The following FAM20C variants were observed in gnomAD, a reference collection of about 807,000 sequenced individuals.
FAM20C encodes FAM20C golgi associated secretory pathway kinase, also known as extracellular serine/threonine protein kinase FAM20C.
In FAM20C, 40 loss-of-function variants were observed where a neutral mutation model predicts 51.5. The observed-to-expected ratio is 0.78, with a 90% CI of 0.60 to 1.01. The LOEUF (loss-of-function observed/expected upper bound fraction) is 1.01. Ranked by LOEUF, FAM20C falls within the 50% of genes least tolerant of loss-of-function variation. The pLI, the probability that FAM20C is intolerant of heterozygous loss-of-function variation, is 0.00. For missense variants in FAM20C, 861 were observed against 844.7 expected (o/e 1.02, Z -0.24); for synonymous variants, 406 against 380.6 (o/e 1.07, Z -0.78).
At chr7:222,899 CGTGTGTAAG>C (rs1435552275) in intron 3 of FAM20C, among the ~76,000 whole-genome samples, 7 of 150,886 alleles carry the variant, frequency 4.6e-5, no homozygotes, top group Admixed American at 2.0e-4. Context: ...ACATGTGTAA[CGTGTGTAAG>C]GGTGTGCATG....
intron 2 of FAM20C, among the ~76,000 whole-genome samples, chr7:198,200 G>T (rs1297510285): frequency 6.6e-6 from 1 of 152,222 alleles, no homozygotes; most frequent in Non-Finnish European, 1.5e-5. Flanking sequence ...AGCAGGGCCT[G>T]CAAGGACGAT....
chr7:199,647 G>A (rs1017975312), intron 2 of FAM20C, among the ~76,000 whole-genome samples: 4 of 152,162 alleles, frequency 2.6e-5, no homozygotes, highest in African/African-American at 7.2e-5. Context: ...TTCATGGAGC[G>A]CCACGTGGTC....
chr7:231,925 G>GA (rs1787705232), intron 3 of FAM20C, among the ~76,000 whole-genome samples: 1 of 152,148 alleles, frequency 6.6e-6, no homozygotes, highest in African/African-American at 2.4e-5. Context: ...GACACCCAAG[G>GA]ACTCCATCCT....
intron 3 of FAM20C, among the ~76,000 whole-genome samples, chr7:233,971 G>A (rs1787775022): frequency 1.3e-5 from 2 of 152,212 alleles, no homozygotes; most frequent in Non-Finnish European, 2.9e-5. Flanking sequence ...AAGGATGCAC[G>A]GTGTTGGGGG....
Position 227,683 on chromosome 7 carries a change from C to T in FAM20C, c.863+18707C>T, listed in dbSNP as rs1001833128. 5.9e-4 allele frequency: 90 copies of T among 152,302 alleles called. 1 individual carries two copies. Among genetic ancestry groups the T allele is most frequent in the African/African-American group, 2.1e-3 (88 of 41,554 alleles). 9.4% of individuals were successfully genotyped at this position (152,302 alleles called of 1,614,324 possible). A position where few individuals can be genotyped will look rare whatever the true frequency, so the allele number is the denominator to read the frequency against. ...AGCCCGCGTTCATTTCCAGTCTAGT[C>T]GTACTTCCCTGAGTCCTGTCCATGA... On this transcript the variant is annotated intron_variant, in intron 3 of 9. Coordinates refer to ENST00000313766, the MANE Select transcript of FAM20C (RefSeq NM_020223.4).
At chr7:219,229 G>T (rs2115093176) in intron 3 of FAM20C, among the ~76,000 whole-genome samples, 1 of 152,298 alleles carries the variant, frequency 6.6e-6, no homozygotes, top group East Asian at 1.9e-4. Flanking sequence ...GGCTGGGCAG[G>T]TGAACAGGTG....
intron 8 of FAM20C, among the ~76,000 whole-genome samples, chr7:257,870 G>GCAGGGTGGACCCACTGCCTGAGGT: frequency 1.3e-5 from 1 of 79,406 alleles, no homozygotes; most frequent in Non-Finnish European, 3.3e-5. Context: ...CTGGAGATGG[G>GCAGGGTGGACCCACTGCCTGAGGT]GCTGGGTGGA....
Position 256,646 on chromosome 7 carries a change from C to G in FAM20C, c.1254-8C>G, listed in dbSNP as rs1158680063. 3 of 1,535,254 alleles carry G rather than the reference C, an allele frequency of 2.0e-6. No homozygotes were observed. Among genetic ancestry groups the G allele is most frequent in the Non-Finnish European group, 2.6e-6 (3 of 1,146,218 alleles). On this transcript the variant is annotated splice_polypyrimidine_tract_variant and splice_region_variant and intron_variant, in intron 6 of 9. Coordinates refer to ENST00000313766, the MANE Select transcript of FAM20C (RefSeq NM_020223.4). ...CTGGGCCCCCCGTCTCACGCTGGCT[C>G]CCCGCAGGTGGGAGGTGGACCCTGA...
At chr7:208,098 G>A (rs886455279) in intron 2 of FAM20C, among the ~76,000 whole-genome samples, 11 of 152,218 alleles carry the variant, frequency 7.2e-5, no homozygotes, top group African/African-American at 1.4e-4. Context: ...CCAGAAACGC[G>A]GGCGGGAGGT....
chr7:244,090 A>G (rs1788052162), intron 3 of FAM20C, among the ~76,000 whole-genome samples: 1 of 151,866 alleles, frequency 6.6e-6, no homozygotes, highest in South Asian at 2.1e-4. Flanking sequence ...GTGTGCCACC[A>G]CGCCCAGCTG....
At chr7:203,676 G>C (rs1017773081) in intron 2 of FAM20C, among the ~76,000 whole-genome samples, 4 of 152,244 alleles carry the variant, frequency 2.6e-5, no homozygotes, top group African/African-American at 9.6e-5. Flanking sequence ...AGATCTTCAT[G>C]CCTTTAATTT....
chr7:236,863 G>T (rs1163539432), intron 3 of FAM20C, among the ~76,000 whole-genome samples: 1 of 152,156 alleles, frequency 6.6e-6, no homozygotes, highest in Non-Finnish European at 1.5e-5. Context: ...CCTGGAATCT[G>T]GGGTCCCGGT....
chr7:250,763 G>T (rs962889012), intron 5 of FAM20C, among the ~76,000 whole-genome samples: 1 of 152,230 alleles, frequency 6.6e-6, no homozygotes, highest in African/African-American at 2.4e-5. Context: ...ACGGAGGCTG[G>T]GCTCCGCTCC....
In FAM20C at chr7:255,982, C is replaced by G; in HGVS notation, c.1206C>G (p.Thr402=). The G allele has an allele frequency of 6.5e-7, 1 of 1,536,156 alleles. No individual in the cohort carries two copies. The highest frequency in any genetic ancestry group is 2.0e-5 in the Admixed American group (1 of 50,994). Residue 402 remains threonine (T), a synonymous_variant, in exon 6 of 10, where the codon ACC becomes ACG. Coordinates refer to ENST00000313766, the MANE Select transcript of FAM20C (RefSeq NM_020223.4). ...LPDLSLAKRK[T]WRNPWRRSYH... The stretch of plus-strand genomic sequence containing the variant: ...ACCTGTCCCTGGCCAAGAGGAAGAC[C>G]TGGCGGAACCCTTGGCGGCGTTCCT...
At chr7:209,086 G>T (rs1351199043) in intron 3 of FAM20C, 110 bp downstream of exon 3, 13 of 1,051,168 alleles carry the variant, frequency 1.2e-5, no homozygotes, top group Non-Finnish European at 1.7e-5. Context: ...GTTTTGGGGA[G>T]ACTGTGGGTG....
Position 224,232 on chromosome 7 carries a change from G to A in FAM20C, c.863+15256G>A, listed in dbSNP as rs868502827. On this transcript the variant is annotated intron_variant, in intron 3 of 9. Coordinates refer to ENST00000313766, the MANE Select transcript of FAM20C (RefSeq NM_020223.4). ...GGCTGTCCCCTGAGCCTTCTCTCAC[G>A]GAGCAGAACGGCACTGTCACGGGGT... Among the ~76,000 whole-genome samples, 35 of 85,968 alleles carry A rather than the reference G, an allele frequency of 4.1e-4. 1 individual carries two copies. Among genetic ancestry groups the A allele is most frequent in the African/African-American group, 1.5e-3 (29 of 19,012 alleles). The allele number at this position is 85,968 out of a possible 152,430, so 56.4% of individuals were successfully genotyped here. A position where few individuals can be genotyped will look rare whatever the true frequency, so the allele number is the denominator to read the frequency against.
intron 2 of FAM20C, among the ~76,000 whole-genome samples, chr7:206,959 C>T (rs62430286): frequency 1.7e-3 from 43 of 25,504 alleles, no homozygotes; most frequent in Admixed American, 2.7e-3. Context: ...TCGGTCACGG[C>T]CCCCTCGGCC....
intron 3 of FAM20C, among the ~76,000 whole-genome samples, chr7:234,251 A>G (rs1298538156): frequency 1.3e-5 from 2 of 152,302 alleles, no homozygotes; most frequent in African/African-American, 2.4e-5. Flanking sequence ...TGGGACGCTG[A>G]CCTCAGAGCT....
At position 217,093 on chromosome 7, in the gene FAM20C, G is replaced by A. The variant is rs960571383; in HGVS notation, c.863+8117G>A. ...CAGCCAGATGCCTCCTCTACCGAGC[G>A]AAGGGGCCCAAGAGGAGGATGGCCG... On this transcript the variant is annotated intron_variant, in intron 3 of 9. Coordinates refer to ENST00000313766, the MANE Select transcript of FAM20C (RefSeq NM_020223.4). Among the ~76,000 whole-genome samples, 20 of 152,286 alleles carry A rather than the reference G, an allele frequency of 1.3e-4. No homozygotes were observed. In the East Asian group the frequency reaches 3.5e-3, roughly 26 times the overall value.
Sources: allele counts gnomAD v4.1 joint callset (sites outside exome capture counted in the v4.1 genomes callset), GRCh38; gene constraint gnomAD v4.1.1; transcripts MANE v1.5; gene names NCBI Gene and HGNC (gene_info 2026-07-23, HGNC 2026-07-21).